The following CLYBL variants were observed in gnomAD, a reference collection of about 807,000 sequenced individuals.
The protein encoded by CLYBL is citramalyl-CoA lyase, mitochondrial.
A neutral mutation model predicts 38.9 loss-of-function variants in CLYBL; 31 were observed. That is an observed-to-expected ratio of 0.80 (90% CI 0.60 to 1.08). The LOEUF (loss-of-function observed/expected upper bound fraction) is 1.08, where lower values mean the gene tolerates loss of function less well. Among genes scored for constraint, CLYBL ranks in the 50% least tolerant of loss-of-function variants. CLYBL has a pLI of 0.00. For missense variants in CLYBL, 434 were observed against 411.6 expected, an observed-to-expected ratio of 1.05 and a Z score of -0.47; for synonymous variants, 171 against 158.6, an observed-to-expected ratio of 1.08 and a Z score of -0.59.
intron 1 of CLYBL, among the ~76,000 whole-genome samples, chr13:99,669,245 G>T (rs1033430017): frequency 5.3e-5 from 8 of 151,994 alleles, no homozygotes; most frequent in African/African-American, 1.9e-4. Context: ...CTCATGATCT[G>T]CCCGCCTCAG....
intron 2 of CLYBL, among the ~76,000 whole-genome samples, chr13:99,805,217 T>C (rs558024395): frequency 5.9e-5 from 9 of 152,284 alleles, no homozygotes; most frequent in Non-Finnish European, 8.8e-5. Context: ...ATTGTTGCCA[T>C]GAACATGGGT....
intron 1 of CLYBL, among the ~76,000 whole-genome samples, chr13:99,648,132 TAAAG>T (rs971668842): frequency 1.2e-4 from 18 of 152,208 alleles, no homozygotes; most frequent in Non-Finnish European, 2.4e-4. Flanking sequence ...CACAGACAAA[TAAAG>T]AAAGTATGTT....
intron 2 of CLYBL, among the ~76,000 whole-genome samples, chr13:99,822,682 C>T (rs1174026990): frequency 1.3e-5 from 2 of 152,178 alleles, no homozygotes; most frequent in Non-Finnish European, 2.9e-5. Context: ...AGAGTGATCA[C>T]AGCTCTGACT....
At chr13:99,787,851 T>C (rs2049831183) in intron 2 of CLYBL, among the ~76,000 whole-genome samples, 1 of 152,230 alleles carries the variant, frequency 6.6e-6, no homozygotes, top group African/African-American at 2.4e-5. Flanking sequence ...TTCTTCCATT[T>C]GTTTGTATCC....
At position 99,763,782 on chromosome 13, in the gene CLYBL, C is replaced by T. The variant is rs372359624; in HGVS notation, c.63-9042C>T. On this transcript the variant is annotated intron_variant, in intron 1 of 8. Transcript: ENST00000339105. ...GTTGGCTAGGTTGGTCTCAAACTCC[C>T]GACCTCATGATCTGCCCGCCTTAGC... Among the ~76,000 whole-genome samples, 11 of 151,932 alleles carry T rather than the reference C, an allele frequency of 7.2e-5. No homozygotes were observed. The East Asian group carries it at 2.1e-3, about 29-fold the overall frequency.
intron 7 of CLYBL, among the ~76,000 whole-genome samples, chr13:99,874,554 A>G (rs1265590892): frequency 1.3e-5 from 2 of 152,160 alleles, no homozygotes; most frequent in Non-Finnish European, 2.9e-5. Context: ...TTTATCAATA[A>G]AGAATTTTAT....
intron 1 of CLYBL, among the ~76,000 whole-genome samples, chr13:99,727,661 A>C (rs1451727929): frequency 1.3e-5 from 2 of 151,970 alleles, no homozygotes; most frequent in Non-Finnish European, 2.9e-5. Context: ...GTTTGTCTAG[A>C]TATAATTAGT....
At chr13:99,789,030 G>C (rs2138878705) in intron 2 of CLYBL, among the ~76,000 whole-genome samples, 1 of 152,294 alleles carries the variant, frequency 6.6e-6, no homozygotes, top group South Asian at 2.1e-4. Context: ...TTGTATTTCT[G>C]TGGGATCGGT....
chr13:99,853,853 C>T (rs2051391370), intron 2 of CLYBL, among the ~76,000 whole-genome samples: 1 of 152,170 alleles, frequency 6.6e-6, no homozygotes, highest in African/African-American at 2.4e-5. Flanking sequence ...TATTTTAAAC[C>T]AAACTTGATC....
At chr13:99,702,953 T>C (rs1342192132) in intron 1 of CLYBL, among the ~76,000 whole-genome samples, 1 of 152,224 alleles carries the variant, frequency 6.6e-6, no homozygotes, top group African/African-American at 2.4e-5. Flanking sequence ...CTTTCCACCA[T>C]GAACTCTTTG....
downstream of CLYBL, among the ~76,000 whole-genome samples, chr13:99,898,441 G>C (rs1211904079): frequency 6.6e-6 from 1 of 152,182 alleles, no homozygotes; most frequent in Admixed American, 6.5e-5. Flanking sequence ...TTTTCTGGGA[G>C]AACTGTGCTG....
At chr13:99,831,053 A>G (rs1311353803) in intron 2 of CLYBL, among the ~76,000 whole-genome samples, 1 of 151,870 alleles carries the variant, frequency 6.6e-6, no homozygotes, top group Non-Finnish European at 1.5e-5. Flanking sequence ...AGAGGAGAAG[A>G]CAGACACAGA....
intron 2 of CLYBL, among the ~76,000 whole-genome samples, chr13:99,800,690 A>G (rs969688890): frequency 6.6e-5 from 10 of 152,236 alleles, no homozygotes; most frequent in African/African-American, 2.4e-4. Context: ...CCTGGCCAAC[A>G]TGGTGAAACT....
At chr13:99,612,028 C>T (rs2046633822) in intron 1 of CLYBL, among the ~76,000 whole-genome samples, 1 of 152,156 alleles carries the variant, frequency 6.6e-6, no homozygotes, top group African/African-American at 2.4e-5. Flanking sequence ...GTTAGGCCCC[C>T]CTCCAAATTT....
At chr13:99,789,277 T>C (rs1028728341) in intron 2 of CLYBL, among the ~76,000 whole-genome samples, 7 of 152,198 alleles carry the variant, frequency 4.6e-5, no homozygotes, top group African/African-American at 1.7e-4. Context: ...CTAGTTCTTT[T>C]AATTGTGATG....
intron 1 of CLYBL, among the ~76,000 whole-genome samples, chr13:99,734,191 C>G (rs529891311): frequency 6.6e-6 from 1 of 152,194 alleles, no homozygotes; most frequent in South Asian, 2.1e-4. Flanking sequence ...AATAACCTCC[C>G]TCCTCACCTC....
chr13:99,711,027 AC>A, intron 1 of CLYBL, among the ~76,000 whole-genome samples: 1 of 151,590 alleles, frequency 6.6e-6, no homozygotes, highest in South Asian at 2.1e-4. Context: ...AGCTGGGATT[AC>A]AGGCGTCTGC....
intron 1 of CLYBL, among the ~76,000 whole-genome samples, chr13:99,704,513 A>G (rs914748541): frequency 3.9e-5 from 6 of 152,220 alleles, no homozygotes; most frequent in African/African-American, 1.2e-4. Context: ...TAATGATTAT[A>G]TCAATTTATA....
chr13:99,880,794 C>G (rs1019880266), intron 7 of CLYBL, among the ~76,000 whole-genome samples: 1 of 152,232 alleles, frequency 6.6e-6, no homozygotes, highest in Non-Finnish European at 1.5e-5. Flanking sequence ...CCCTCATGGC[C>G]CTGGCCTCTG....
Sources: allele counts gnomAD v4.1 joint callset (sites outside exome capture counted in the v4.1 genomes callset), GRCh38; gene constraint gnomAD v4.1.1; transcripts MANE v1.5; gene names NCBI Gene and HGNC (gene_info 2026-07-23, HGNC 2026-07-21).